CPS1: variants seen among roughly 807,000 people sequenced by gnomAD.
CPS1 encodes the protein carbamoyl-phosphate synthase [ammonia], mitochondrial.
A neutral mutation model predicts 174.6 loss-of-function variants in CPS1; 109 were observed. That is an observed-to-expected ratio of 0.62 (90% CI 0.53 to 0.73). The LOEUF (loss-of-function observed/expected upper bound fraction) is 0.73. Among genes scored for constraint, CPS1 ranks in the 30% least tolerant of loss-of-function variants. The pLI is 0.00. For synonymous variants in CPS1, 637 were observed against 632.0 expected, an observed-to-expected ratio of 1.01 and a Z score of -0.12; for missense variants, 1,689 against 1,821.9, an observed-to-expected ratio of 0.93 and a Z score of 1.33.
chr2:210,527,639 A>G (rs1304961523), intron 1 of CPS1, among the ~76,000 whole-genome samples: 2 of 151,720 alleles, frequency 1.3e-5, no homozygotes, highest in Non-Finnish European at 2.9e-5. Context: ...AGAACCTTCT[A>G]TTTGTTCTTT....
At chr2:210,656,381 A>G (rs1700705375) in intron 29 of CPS1, 144 bp from the exon 30 acceptor site, 1 of 686,716 alleles carries the variant, frequency 1.5e-6, no homozygotes, top group Non-Finnish European at 2.6e-6. Flanking sequence ...AGCATTTTCT[A>G]CTGCTCTCAT....
intron 28 of CPS1, among the ~76,000 whole-genome samples, chr2:210,652,151 A>C (rs910642796): frequency 2.0e-5 from 3 of 152,186 alleles, no homozygotes; most frequent in Non-Finnish European, 1.5e-5. Context: ...GCATTTATGA[A>C]GGTCTGAAGA....
intron 18 of CPS1, 36 bp from the exon 19 acceptor site, chr2:210,608,325 C>A (rs749038496): frequency 7.5e-6 from 12 of 1,597,766 alleles, no homozygotes; most frequent in East Asian, 2.2e-5. Flanking sequence ...AATAATTGCT[C>A]GAAGAAAAAA....
At chr2:210,662,436 G>A (rs1700955102) in intron 32 of CPS1, among the ~76,000 whole-genome samples, 1 of 152,020 alleles carries the variant, frequency 6.6e-6, no homozygotes, top group African/African-American at 2.4e-5. Context: ...ATTTAGAATG[G>A]GTGCCAGAAT....
intron 9 of CPS1, among the ~76,000 whole-genome samples, chr2:210,591,280 A>G (rs944430187): frequency 6.6e-5 from 10 of 151,988 alleles, no homozygotes; most frequent in Non-Finnish European, 1.0e-4. Context: ...TTTAAGCTTG[A>G]TTTCAGAACA....
chr2:210,528,357 C>G lies in CPS1; in HGVS notation c.4-28362C>G, dbSNP rs148897884. ...CTTATACATTATTTCTTTGTGTCAA[C>G]AGCACAATTAAGCTTTCTGGTAATA... On this transcript the variant is annotated intron_variant, in intron 1 of 38. Coordinates refer to the CPS1 transcript ENST00000430249. Among the ~76,000 whole-genome samples the G allele has an allele frequency of 9.1e-3, 1,379 of 151,984 alleles. 22 individuals carry two copies. The highest frequency in any genetic ancestry group is 0.037 in the Middle Eastern group (11 of 294).
At chr2:210,672,008 C>A (rs971766430) in intron 34 of CPS1, 10 of 152,118 alleles carry the variant, frequency 6.6e-5, no homozygotes, top group African/African-American at 2.4e-4. Flanking sequence ...CCCCTATTCC[C>A]CCCTTTCTCA....
Position 210,602,300 on chromosome 2 carries a change from C to G in CPS1, c.1806C>G (p.Asn602Lys), listed in dbSNP as rs1698754948. 3 of 1,612,524 alleles carry G rather than the reference C, an allele frequency of 1.9e-6. No homozygotes were observed. The East Asian group carries it at 6.7e-5, about 36-fold the overall frequency. ...LGGLGSGICP[N>K]RETLMDLSTK... is the part of the protein sequence containing the mutation. ...GGTTAGGCTCAGGCATCTGTCCCAA[C>G]AGAGAGACTTTGATGGACCTCAGCA... The change falls in exon 16 of 38, where the codon AAC becomes AAG. Residue 602 changes from asparagine to lysine, a missense_variant. Transcript: ENST00000233072.
intron 17 of CPS1, among the ~76,000 whole-genome samples, chr2:210,605,739 A>G (rs1340080378): frequency 6.6e-5 from 10 of 151,944 alleles, no homozygotes; most frequent in Non-Finnish European, 1.3e-4. Context: ...GAATGTGGAG[A>G]TGGAATTTAA....
At chr2:210,639,957 C>G in intron 23 of CPS1, 39 bp from the exon 24 acceptor site, 3 of 1,405,154 alleles carry the variant, frequency 2.1e-6, no homozygotes, top group Non-Finnish European at 3.0e-6. Flanking sequence ...AATAATAACA[C>G]TTAATGATTT....
Position 210,573,385 on chromosome 2 carries a change from G to A in CPS1, c.214G>A (p.Val72Ile), listed in dbSNP as rs1697582022. ...GHPSSVAGEV[V>I]FNTGLGGYPE... is the part of the protein sequence containing the mutation. ...TCCATCCTCTGTTGCTGGTGAAGTG[G>A]TTTTTAATACTGGCCTGGGAGGGTG... The change falls in exon 2 of 38, where the codon GTT (valine) becomes ATT (isoleucine). Residue 72 changes from valine (V) to isoleucine (I), a missense_variant. Physicochemically the swap from Val to Ile is conservative, Grantham distance 29. Coordinates refer to ENST00000233072, the MANE Select transcript of CPS1 (RefSeq NM_001875.5). The A allele has an allele frequency of 1.2e-6, 2 of 1,612,902 alleles. No individual in the cohort carries two copies. Among genetic ancestry groups the A allele is most frequent in the East Asian group, 4.5e-5 (2 of 44,868 alleles).
chr2:210,498,637 T>C lies in CPS1; in HGVS notation c.3+20871T>C, dbSNP rs1695065677. On this transcript the variant is annotated intron_variant, in intron 1 of 38. Transcript: ENST00000430249. ...CATCTTCTTTACTTATTTGGATGCCTTTTATTTCCCTCTCTTGCCTTCAAA... is the reference window on the plus strand; with the variant it reads ...CATCTTCTTTACTTATTTGGATGCCCTTTATTTCCCTCTCTTGCCTTCAAA... 2.0e-5 allele frequency among the ~76,000 whole-genome samples: 3 copies of C among 152,180 alleles called. No homozygotes were observed. The South Asian group carries it at 6.2e-4, about 31-fold the overall frequency.
At chr2:210,592,038 A>G in intron 10 of CPS1, 69 bp downstream of exon 10, 2 of 1,500,828 alleles carry the variant, frequency 1.3e-6, no homozygotes, top group Non-Finnish European at 1.8e-6. Context: ...TAATTGATAC[A>G]TAAGCATTGT....
chr2:210,579,235 C>A (rs980010368), intron 4 of CPS1, among the ~76,000 whole-genome samples: 1 of 152,112 alleles, frequency 6.6e-6, no homozygotes, highest in African/African-American at 2.4e-5. Context: ...CCAACGTAGT[C>A]AAAGAACCTT....
rs188335602 is a variant in CPS1 at position 210,664,163 on chromosome 2, A to C, written c.4002+966A>C. 3.2e-4 allele frequency among the ~76,000 whole-genome samples: 48 copies of C among 152,102 alleles called. No individual in the cohort carries two copies. In the East Asian group the frequency reaches 7.0e-3, roughly 22 times the overall value. On this transcript the variant is annotated intron_variant, in intron 33 of 37. Coordinates refer to ENST00000233072, the MANE Select transcript of CPS1 (RefSeq NM_001875.5). Reference sequence around the variant, plus strand: ...TTCTTTTAATTTAAGGGCAAAAAAAACCTTACTTTTAAATGAAGGCACTAT... The same window carrying C: ...TTCTTTTAATTTAAGGGCAAAAAAACCCTTACTTTTAAATGAAGGCACTAT...
intron 1 of CPS1, among the ~76,000 whole-genome samples, chr2:210,506,642 A>G (rs1005835283): frequency 6.6e-6 from 1 of 152,144 alleles, no homozygotes; most frequent in Non-Finnish European, 1.5e-5. Context: ...AAGATTAGAC[A>G]AATGGCTAAC....
intron 1 of CPS1, among the ~76,000 whole-genome samples, chr2:210,499,418 G>T (rs1173531118): frequency 3.9e-5 from 6 of 152,108 alleles, no homozygotes; most frequent in Admixed American, 3.9e-4. Flanking sequence ...TGTGACAGGG[G>T]AGAGCACAAT....
intron 1 of CPS1, among the ~76,000 whole-genome samples, chr2:210,569,979 A>G (rs1033282001): frequency 6.7e-6 from 1 of 149,230 alleles, no homozygotes; most frequent in African/African-American, 2.6e-5. Context: ...TGATAGTAAC[A>G]AGGTGATTTC....
chr2:210,604,250 A>G (rs377183647), intron 16 of CPS1, among the ~76,000 whole-genome samples: 1 of 151,862 alleles, frequency 6.6e-6, no homozygotes, highest in East Asian at 2.0e-4. Flanking sequence ...TTACAGAAAA[A>G]CTTACATTAA....
Sources: gnomAD v4.1 joint callset for allele counts (sites outside exome capture counted in the v4.1 genomes callset) on GRCh38, gnomAD v4.1.1 for gene constraint, MANE v1.5 for transcripts, NCBI Gene and HGNC (gene_info 2026-07-23, HGNC 2026-07-21) for gene names.